Variants in VPS37A observed in about 807,000 individuals in gnomAD.
VPS37A encodes the protein vacuolar protein sorting-associated protein 37A.
A neutral mutation model predicts 49.8 loss-of-function variants in VPS37A; 30 were observed. The ratio of observed to expected loss-of-function variants is 0.60; its 90% CI spans 0.45 to 0.82. The LOEUF is 0.82. Ranked by LOEUF, VPS37A falls within the 40% of genes least tolerant of loss-of-function variation. VPS37A has a pLI of 0.00. For missense variants in VPS37A, 593 were observed against 464.4 expected (o/e 1.28, Z -2.55); for synonymous variants, 195 against 160.6 (o/e 1.21, Z -1.62).
chr8:17,284,414 C>T (rs192956984), intron 9 of VPS37A, 59 bp from the exon 10 acceptor site: 6 of 1,512,006 alleles, frequency 4.0e-6, no homozygotes, highest in Middle Eastern at 2.4e-4. Context: ...ACTTCCTTTC[C>T]CTGTGAGGAG....
the VPS37A span, among the ~76,000 whole-genome samples, chr8:17,327,518 G>C: frequency 6.6e-6 from 1 of 152,100 alleles, no homozygotes; most frequent in Non-Finnish European, 1.5e-5. Context: ...TGTGGCTCAA[G>C]TAATCCTCAA....
At chr8:17,247,927 A>G (rs1432116211) in intron 1 of VPS37A, 2 of 613,890 alleles carry the variant, frequency 3.3e-6, no homozygotes, top group African/African-American at 1.8e-5. Context: ...TCCCCATCTC[A>G]CAGCGACCAG....
intron 1 of VPS37A, among the ~76,000 whole-genome samples, chr8:17,256,525 A>G (rs1398811313): frequency 6.6e-6 from 1 of 151,706 alleles, no homozygotes; most frequent in Admixed American, 6.6e-5. Flanking sequence ...TGAACTCCTC[A>G]TGTATTCGGT....
chr8:17,300,139 G>C (rs779561293), downstream of VPS37A: 4 of 1,614,122 alleles, frequency 2.5e-6, no homozygotes, highest in African/African-American at 1.3e-5. Flanking sequence ...GTCTGAGGTA[G>C]AAAACCCTGA....
chr8:17,265,910 A>G lies in VPS37A; in HGVS notation c.129A>G (p.Ile43Met). 2 of 1,613,480 alleles carry G rather than the reference A, an allele frequency of 1.2e-6. No individual in the cohort carries two copies. The highest frequency in any genetic ancestry group is 2.7e-5 in the African/African-American group (2 of 75,046). Residue 43 changes from isoleucine (I) to methionine (M), a missense_variant, in exon 2 of 12, where the codon ATA becomes ATG. Transcript: ENST00000324849. ...TTTTTAAAATTTTCTCCTGCAGTAT[A>G]GCCGAAATACAGAAAGATGTGGAAT... The part of the protein sequence containing the change: ...IESLRNSHSS[I>M]AEIQKDVEYR...
intron 1 of VPS37A, among the ~76,000 whole-genome samples, chr8:17,250,593 A>G (rs375484550): frequency 1.3e-5 from 2 of 152,142 alleles, no homozygotes; most frequent in African/African-American, 4.8e-5. Flanking sequence ...CTTCTGCTCT[A>G]CTGAGTAACC....
At chr8:17,268,121 A>G (rs1761881415) in intron 2 of VPS37A, 137 bp from the exon 3 acceptor site, 2 of 574,552 alleles carry the variant, frequency 3.5e-6, no homozygotes, top group Admixed American at 3.0e-5. Flanking sequence ...ACCATAATAG[A>G]GCACTTATTA....
chr8:17,250,025 C>A (rs1168576592), intron 1 of VPS37A, among the ~76,000 whole-genome samples: 1 of 152,170 alleles, frequency 6.6e-6, no homozygotes, highest in African/African-American at 2.4e-5. Flanking sequence ...ACTTTCTACT[C>A]CTCTAGTGGA....
chr8:17,293,246 T>C (rs932923332), intron 11 of VPS37A, among the ~76,000 whole-genome samples: 7 of 151,442 alleles, frequency 4.6e-5, no homozygotes, highest in African/African-American at 2.4e-5. Flanking sequence ...TCGATTGGGC[T>C]GTTGATACTA....
At chr8:17,280,526 C>G in intron 9 of VPS37A, 83 bp downstream of exon 9, 1 of 1,258,930 alleles carries the variant, frequency 7.9e-7, no homozygotes, top group Non-Finnish European at 1.1e-6. Context: ...CTTTCATTAT[C>G]ATCAGAAACC....
the VPS37A span, among the ~76,000 whole-genome samples, chr8:17,317,579 G>A: frequency 6.6e-6 from 1 of 152,172 alleles, no homozygotes; most frequent in Non-Finnish European, 1.5e-5. Flanking sequence ...TTTCCAGAAA[G>A]TGTATCACCA....
At chr8:17,315,396 G>A in the VPS37A span, among the ~76,000 whole-genome samples, 1 of 112,624 alleles carries the variant, frequency 8.9e-6, no homozygotes, top group South Asian at 3.2e-4. Flanking sequence ...AACTACGACA[G>A]TGGTTACATT....
chr8:17,259,137 C>T (rs1351530136), intron 1 of VPS37A, among the ~76,000 whole-genome samples: 4 of 151,750 alleles, frequency 2.6e-5, no homozygotes, highest in African/African-American at 9.7e-5. Flanking sequence ...AGGTTTGGTT[C>T]TTCTCTAGTT....
chr8:17,253,637 T>G (rs1343387517), intron 1 of VPS37A, among the ~76,000 whole-genome samples: 4 of 152,252 alleles, frequency 2.6e-5, no homozygotes, highest in African/African-American at 9.6e-5. Flanking sequence ...TTTCTGAGTA[T>G]TAACTCTTTT....
In VPS37A at chr8:17,280,166, C is replaced by T. The variant is rs895008608; in HGVS notation, c.841+11C>T. On this transcript the variant is annotated intron_variant, in intron 7 of 11. Coordinates refer to ENST00000324849, the MANE Select transcript of VPS37A (RefSeq NM_152415.3). ...TTGAGGAACTAGCAAGTATGTTTTC[C>T]CTCTCCTGAGCGCACATTTCCTGAA... 16 of 1,611,936 alleles carry T rather than the reference C, an allele frequency of 9.9e-6. No homozygotes were observed. The highest frequency in any genetic ancestry group is 1.3e-5 in the Non-Finnish European group (15 of 1,179,056).
chr8:17,293,482 C>T (rs1405367596), intron 11 of VPS37A, among the ~76,000 whole-genome samples: 2 of 152,026 alleles, frequency 1.3e-5, no homozygotes, highest in Non-Finnish European at 2.9e-5. Flanking sequence ...CATTCTCAGT[C>T]CAGTTTTGTT....
At chr8:17,308,187 G>A in the VPS37A span, among the ~76,000 whole-genome samples, 1 of 151,820 alleles carries the variant, frequency 6.6e-6, no homozygotes, top group Non-Finnish European at 1.5e-5. Context: ...AAAAAAAAAG[G>A]TTGCCTAATA....
the VPS37A span, among the ~76,000 whole-genome samples, chr8:17,329,084 C>T: frequency 6.6e-6 from 1 of 152,158 alleles, no homozygotes; most frequent in East Asian, 1.9e-4. Context: ...CTGATTATAT[C>T]CATAACAGTA....
At chr8:17,253,048 A>G (rs1812119612) in intron 1 of VPS37A, among the ~76,000 whole-genome samples, 1 of 152,234 alleles carries the variant, frequency 6.6e-6, no homozygotes, top group Non-Finnish European at 1.5e-5. Flanking sequence ...GCATGGTACC[A>G]TTTAAGAAAT....
Sources: allele counts gnomAD v4.1 joint callset (sites outside exome capture counted in the v4.1 genomes callset), GRCh38; gene constraint gnomAD v4.1.1; transcripts MANE v1.5; gene names NCBI Gene and HGNC (gene_info 2026-07-23, HGNC 2026-07-21).